Variants in KCNQ5 observed in about 807,000 individuals in gnomAD.
The protein encoded by KCNQ5 is potassium voltage-gated channel subfamily Q member 5.
Under a neutral mutation model 98.2 loss-of-function variants are expected in KCNQ5, and 30 were observed. The ratio of observed to expected loss-of-function variants is 0.31; its 90% CI spans 0.23 to 0.41. KCNQ5 has a LOEUF of 0.41. KCNQ5 is among the 10% of genes least tolerant of loss of function. The probability of loss-of-function intolerance (pLI) is 1.00; values close to 1 mark genes in which losing one functional copy is unlikely to be tolerated. For synonymous variants in KCNQ5, 458 were observed against 449.4 expected (o/e 1.02, Z -0.24); for missense variants, 835 against 1,182.5 (o/e 0.71, Z 4.31).
intron 1 of KCNQ5, among the ~76,000 whole-genome samples, chr6:72,693,996 T>A (rs1768349797): frequency 6.6e-6 from 1 of 152,160 alleles, no homozygotes; most frequent in African/African-American, 2.4e-5. Context: ...ACTTAAAGTT[T>A]TAGATTTAAT....
At chr6:72,714,405 A>G (rs1056531983) in intron 1 of KCNQ5, among the ~76,000 whole-genome samples, 25 of 152,238 alleles carry the variant, frequency 1.6e-4, no homozygotes, top group African/African-American at 6.0e-4. Flanking sequence ...CCCTTTTGGT[A>G]GAAAGGCTCA....
At position 73,088,034 on chromosome 6, in the gene KCNQ5, T is replaced by C. The variant is rs190583386; in HGVS notation, c.918+10147T>C. ...TTCTCTCTCTCTCTCTTTTTTTTTT[T>C]TTTTCCAGATGGAGTTTCACTCTGT... On this transcript the variant is annotated intron_variant, in intron 5 of 13. Coordinates refer to ENST00000370398, the MANE Select transcript of KCNQ5 (RefSeq NM_019842.4). Among the ~76,000 whole-genome samples, 271 of 150,560 alleles carry C rather than the reference T, an allele frequency of 1.8e-3. 6 individuals carry two copies. The East Asian group carries it at 0.043, about 24-fold the overall frequency.
intron 1 of KCNQ5, among the ~76,000 whole-genome samples, chr6:72,761,117 T>G (rs958692935): frequency 6.6e-6 from 1 of 152,152 alleles, no homozygotes; most frequent in East Asian, 1.9e-4. Flanking sequence ...ATTGTGAAGT[T>G]AACCCTTAGG....
intron 1 of KCNQ5, among the ~76,000 whole-genome samples, chr6:72,837,763 A>G (rs911734309): frequency 2.6e-5 from 4 of 151,436 alleles, no homozygotes; most frequent in African/African-American, 9.8e-5. Flanking sequence ...TGTTAAACAT[A>G]TATATGTTTA....
intron 1 of KCNQ5, among the ~76,000 whole-genome samples, chr6:72,988,452 G>A (rs1362465255): frequency 1.3e-5 from 2 of 152,090 alleles, no homozygotes; most frequent in African/African-American, 4.8e-5. Context: ...GATGCTAAAT[G>A]TTGAGTACCC....
intron 1 of KCNQ5, among the ~76,000 whole-genome samples, chr6:72,689,623 A>G (rs1310490085): frequency 6.6e-6 from 1 of 152,268 alleles, no homozygotes; most frequent in Non-Finnish European, 1.5e-5. Context: ...GGAAGATTAT[A>G]TATACTTATA....
intron 1 of KCNQ5, among the ~76,000 whole-genome samples, chr6:72,745,341 A>G (rs1320408657): frequency 1.3e-5 from 2 of 152,238 alleles, no homozygotes; most frequent in Non-Finnish European, 2.9e-5. Flanking sequence ...GCTCTTTAAT[A>G]TCAGATCAAT....
At chr6:72,986,453 T>G in intron 1 of KCNQ5, 1 of 480,462 alleles carries the variant, frequency 2.1e-6, no homozygotes, top group East Asian at 3.3e-5. Context: ...AATACTCAAT[T>G]TTAAACAATG....
intron 1 of KCNQ5, among the ~76,000 whole-genome samples, chr6:72,930,884 T>C (rs1483530546): frequency 6.6e-6 from 1 of 152,158 alleles, no homozygotes; most frequent in African/African-American, 2.4e-5. Flanking sequence ...CTTAATACAT[T>C]AGAAAAGACA....
chr6:72,744,873 C>T (rs1223082164), intron 1 of KCNQ5, among the ~76,000 whole-genome samples: 1 of 151,684 alleles, frequency 6.6e-6, no homozygotes, highest in East Asian at 1.9e-4. Context: ...AACAGATTTG[C>T]TGAGAAATCC....
At chr6:73,035,985 TTGTGTG>T (rs70994155) in intron 2 of KCNQ5, among the ~76,000 whole-genome samples, 10,867 of 140,384 alleles carry the variant, frequency 0.077, 427 homozygotes, top group Non-Finnish European at 0.099. Context: ...TTGAATACAT[TTGTGTG>T]TGTGTGTGTG....
At chr6:72,849,403 C>T (rs571202717) in intron 1 of KCNQ5, among the ~76,000 whole-genome samples, 3 of 152,134 alleles carry the variant, frequency 2.0e-5, no homozygotes, top group Non-Finnish European at 4.4e-5. Flanking sequence ...TACATTCCCA[C>T]CAACAGTATG....
At chr6:72,888,132 G>A (rs960027931) in intron 1 of KCNQ5, among the ~76,000 whole-genome samples, 1 of 152,182 alleles carries the variant, frequency 6.6e-6, no homozygotes, top group East Asian at 1.9e-4. Flanking sequence ...AATACATAAA[G>A]TAAAACGTTA....
intron 1 of KCNQ5, among the ~76,000 whole-genome samples, chr6:72,804,177 A>G (rs1007415078): frequency 6.6e-6 from 1 of 152,082 alleles, no homozygotes; most frequent in African/African-American, 2.4e-5. Context: ...AAATAATCCA[A>G]TTATACTCCT....
chr6:73,197,450 TTAA>T lies in KCNQ5; in HGVS notation c.*2037_*2039del. 1 of 152,286 alleles carries T rather than the reference TTAA, an allele frequency of 6.6e-6. No homozygotes were observed. Among genetic ancestry groups the T allele is most frequent in the African/African-American group, 2.4e-5 (1 of 41,544 alleles). 9.4% of individuals were successfully genotyped at this position (152,286 alleles called of 1,614,324 possible). A position where few individuals can be genotyped will look rare whatever the true frequency, so the allele number is the denominator to read the frequency against. On this transcript the variant is annotated 3_prime_UTR_variant, in exon 14 of 14. Coordinates refer to ENST00000370398, the MANE Select transcript of KCNQ5 (RefSeq NM_019842.4). ...ATAGAGGCTAAATTTTACACTTCAGTTAAGACATTGTCAATCCTTTTAAGCAAT... is the reference window on the plus strand; with the variant it reads ...ATAGAGGCTAAATTTTACACTTCAGTGACATTGTCAATCCTTTTAAGCAAT...
intron 1 of KCNQ5, among the ~76,000 whole-genome samples, chr6:72,672,953 T>A (rs1316602150): frequency 1.3e-5 from 2 of 152,218 alleles, no homozygotes; most frequent in Non-Finnish European, 2.9e-5. Context: ...AATAATTGTC[T>A]TAAAGCACTT....
intron 9 of KCNQ5, chr6:73,129,789 C>T: frequency 6.2e-7 from 1 of 1,611,594 alleles, no homozygotes; most frequent in Non-Finnish European, 8.5e-7. Flanking sequence ...TCCCTCACTC[C>T]TAGTAAGTTC....
chr6:73,134,858 G>A (rs532202630), intron 10 of KCNQ5: 2 of 152,414 alleles, frequency 1.3e-5, no homozygotes, highest in African/African-American at 4.8e-5. Flanking sequence ...CGAGCCACTT[G>A]CAGGATCTGA....
intron 1 of KCNQ5, among the ~76,000 whole-genome samples, chr6:72,707,412 A>T (rs755147207): frequency 1.5e-4 from 23 of 152,166 alleles, no homozygotes; most frequent in Non-Finnish European, 2.6e-4. Flanking sequence ...ATATGTGTGT[A>T]CATATATGTT....
Sources: gnomAD v4.1 joint callset for allele counts (sites outside exome capture counted in the v4.1 genomes callset) on GRCh38, gnomAD v4.1.1 for gene constraint, MANE v1.5 for transcripts, NCBI Gene and HGNC (gene_info 2026-07-23, HGNC 2026-07-21) for gene names.